AMMECR1: variants seen among roughly 807,000 people sequenced by gnomAD.
AMMECR1 encodes AMMECR nuclear protein 1.
A neutral mutation model predicts 22.5 loss-of-function variants in AMMECR1; 3 were observed. That is an observed-to-expected ratio of 0.13 (90% CI 0.06 to 0.35). The LOEUF (loss-of-function observed/expected upper bound fraction) is 0.35. AMMECR1 is among the 10% of genes least tolerant of loss of function. The pLI is 1.00. For synonymous variants in AMMECR1, 130 were observed against 116.7 expected (o/e 1.11, Z -0.74); for missense variants, 235 against 278.7 (o/e 0.84, Z 1.12).
intron 2 of AMMECR1, among the ~76,000 whole-genome samples, chrX:110,407,145 C>G (rs979610593): frequency 1.8e-5 from 2 of 112,227 alleles, no homozygotes; most frequent in African/African-American, 6.5e-5. Context: ...AAAGTGGGAA[C>G]CTGTTTAAGT....
chrX:110,308,908 A>C (rs2068011522), intron 1 of AMMECR1, among the ~76,000 whole-genome samples: 1 of 111,806 alleles, frequency 8.9e-6, no homozygotes, highest in Non-Finnish European at 1.9e-5. Context: ...TGAATAAATC[A>C]CCAATGCCAT....
chrX:110,293,830 G>A (rs1602867105), intron 1 of AMMECR1, among the ~76,000 whole-genome samples: 1 of 111,238 alleles, frequency 9.0e-6, no homozygotes, highest in East Asian at 2.8e-4. Flanking sequence ...TGACTCATCA[G>A]ACACCTTAGC....
chrX:110,346,494 T>C (rs1346079321), intron 2 of AMMECR1, among the ~76,000 whole-genome samples: 1 of 112,523 alleles, frequency 8.9e-6, no homozygotes, highest in Non-Finnish European at 1.9e-5. Flanking sequence ...TGTATGCTGC[T>C]GCCAATGTAT....
upstream of AMMECR1, among the ~76,000 whole-genome samples, chrX:110,319,038 T>C (rs2068068751): frequency 8.9e-6 from 1 of 112,006 alleles, no homozygotes; most frequent in African/African-American, 3.3e-5. Flanking sequence ...TAGAGATAAA[T>C]AGGGAAGGTA....
In AMMECR1 at chrX:110,266,630, C is replaced by T. The variant is rs761469349; in HGVS notation, c.474-2031G>A. On this transcript the variant is annotated intron_variant, in intron 1 of 5. Transcript: ENST00000262844. Reference sequence around the variant, plus strand: ...ACTCCTGACCTCGTGATCTGCCCGCCTGAGCCTCCCAAAGTGCTGGGATCA... The same window carrying T: ...ACTCCTGACCTCGTGATCTGCCCGCTTGAGCCTCCCAAAGTGCTGGGATCA... Among the ~76,000 whole-genome samples, 27 of 110,266 alleles carry T rather than the reference C, an allele frequency of 2.4e-4. No homozygotes were observed. In the South Asian group the frequency reaches 0.011, roughly 44 times the overall value.
intron 2 of AMMECR1, among the ~76,000 whole-genome samples, chrX:110,328,333 G>A (rs774624170): frequency 6.0e-4 from 67 of 111,151 alleles, no homozygotes; most frequent in South Asian, 1.9e-3. Flanking sequence ...AAAAGAATGC[G>A]TCTAATTAAA....
chrX:110,291,374 A>C (rs748163766), intron 1 of AMMECR1, among the ~76,000 whole-genome samples: 16 of 110,926 alleles, frequency 1.4e-4, no homozygotes, highest in Non-Finnish European at 1.5e-4. Context: ...AGTATTTTAA[A>C]AAATTAGCCG....
Position 110,336,350 on chromosome X carries a change from T to C in AMMECR1, c.-147-18501A>G, listed in dbSNP as rs144532409. ...TGGTACATGAGATGATTTTAGGTAC[T>C]CGTAGATGAACATTATTTATTTTGA... On this transcript the variant is annotated intron_variant, in intron 2 of 7. Coordinates refer to the AMMECR1 transcript ENST00000372057. 1.2e-3 allele frequency among the ~76,000 whole-genome samples: 128 copies of C among 110,993 alleles called. 4 individuals carry two copies. The East Asian group carries it at 0.03, about 26-fold the overall frequency.
intron 2 of AMMECR1, among the ~76,000 whole-genome samples, chrX:110,235,482 T>A (rs2067595510): frequency 1.8e-5 from 2 of 112,638 alleles, no homozygotes; most frequent in South Asian, 7.4e-4. Context: ...CATTACTGGG[T>A]ATATACCCAA....
intron 1 of AMMECR1, among the ~76,000 whole-genome samples, chrX:110,439,355 C>A (rs1293786016): frequency 8.9e-6 from 1 of 112,217 alleles, no homozygotes; most frequent in Non-Finnish European, 1.9e-5. Flanking sequence ...TGGAGCCTCC[C>A]CATTGTGGCA....
intron 2 of AMMECR1, among the ~76,000 whole-genome samples, chrX:110,405,195 AGGTCACGT>A (rs2068592933): frequency 9.2e-6 from 1 of 109,268 alleles, no homozygotes; most frequent in South Asian, 4.1e-4. Context: ...CTTTTTAAAA[AGGTCACGT>A]TGCAATTTTT....
chrX:110,198,130 G>A lies in AMMECR1; in HGVS notation c.*390C>T, dbSNP rs752875528. The stretch of plus-strand genomic sequence containing the variant: ...TTCTTCCATCCACAGTCAAAGGAAG[G>A]GAGGCAGGGAAGGAAGAAGGAAAAC... On this transcript the variant is annotated 3_prime_UTR_variant, in exon 6 of 6. Transcript: ENST00000262844. 2 of 115,073 alleles carry A rather than the reference G, an allele frequency of 1.7e-5. No homozygotes were observed. Among genetic ancestry groups the A allele is most frequent in the Non-Finnish European group, 3.6e-5 (2 of 56,007 alleles). The allele number at this position is 115,073 out of a possible 1,213,427, so 9.5% of individuals were successfully genotyped here.
intron 1 of AMMECR1, among the ~76,000 whole-genome samples, chrX:110,437,302 G>C (rs2068845911): frequency 1.8e-5 from 2 of 112,205 alleles, no homozygotes; most frequent in African/African-American, 6.5e-5. Flanking sequence ...AGAGAGCCAG[G>C]AGTGTTAATC....
chrX:110,202,560 T>A (rs1383714513), intron 3 of AMMECR1, 24 bp from the exon 4 acceptor site: 1 of 964,323 alleles, frequency 1.0e-6, no homozygotes, highest in Non-Finnish European at 1.5e-6. Flanking sequence ...GCAGTTTTAT[T>A]AGTACAGTCT....
chrX:110,388,007 G>A (rs1225507047), intron 2 of AMMECR1, among the ~76,000 whole-genome samples: 8 of 109,377 alleles, frequency 7.3e-5, no homozygotes, highest in African/African-American at 2.3e-4. Context: ...GACAACAGGC[G>A]CCCGCCATCA....
intron 4 of AMMECR1, 82 bp from the exon 5 acceptor site, chrX:110,201,132 G>C: frequency 1.7e-6 from 1 of 585,083 alleles, no homozygotes; most frequent in Non-Finnish European, 2.7e-6. Flanking sequence ...ACTTTGTAGA[G>C]GTCAGCTATC....
At chrX:110,312,766 G>GA (rs2068029448) in intron 1 of AMMECR1, among the ~76,000 whole-genome samples, 1 of 110,928 alleles carries the variant, frequency 9.0e-6, no homozygotes, top group African/African-American at 3.3e-5. Context: ...CTTCCAATGG[G>GA]AATCAACATT....
At chrX:110,399,243 C>T (rs867086616) in intron 2 of AMMECR1, among the ~76,000 whole-genome samples, 7 of 112,627 alleles carry the variant, frequency 6.2e-5, no homozygotes, top group Non-Finnish European at 1.3e-4. Context: ...CAGAACAACC[C>T]TTCAAGGTAG....
intron 2 of AMMECR1, among the ~76,000 whole-genome samples, chrX:110,331,283 T>G (rs1044220885): frequency 5.5e-5 from 6 of 108,336 alleles, no homozygotes; most frequent in African/African-American, 2.0e-4. Flanking sequence ...CCAAATATCT[T>G]AACTCCAACC....
Sources: allele counts gnomAD v4.1 joint callset (sites outside exome capture counted in the v4.1 genomes callset), GRCh38; gene constraint gnomAD v4.1.1; transcripts MANE v1.5; gene names NCBI Gene and HGNC (gene_info 2026-07-23, HGNC 2026-07-21).